The following SGCZ variants were observed in gnomAD, a reference collection of about 807,000 sequenced individuals.
The protein encoded by SGCZ is sarcoglycan zeta, also known as zeta-sarcoglycan.
SGCZ carries 40 observed loss-of-function variants against 41.3 expected under a neutral mutation model. That is an observed-to-expected ratio of 0.97 (90% CI 0.75 to 1.26). The LOEUF is 1.26. Ranked by LOEUF, SGCZ falls within the 50% of genes most tolerant of loss-of-function variation. SGCZ has a pLI of 0.00. For missense variants in SGCZ, 552 were observed against 369.8 expected (o/e 1.49, Z -4.04); for synonymous variants, 206 against 137.5 (o/e 1.50, Z -3.49).
chr8:14,118,948 T>C (rs1035136069), intron 5 of SGCZ, among the ~76,000 whole-genome samples: 13 of 152,208 alleles, frequency 8.5e-5, no homozygotes, highest in Non-Finnish European at 1.8e-4. Context: ...AGTACCATGC[T>C]GTTTTGATTA....
intron 1 of SGCZ, among the ~76,000 whole-genome samples, chr8:14,902,056 T>C (rs1230256919): frequency 6.6e-6 from 1 of 152,110 alleles, no homozygotes; most frequent in East Asian, 1.9e-4. Flanking sequence ...AGTGGACACT[T>C]TATTTCAAAC....
At chr8:15,152,595 G>A (rs2117020989) in intron 1 of SGCZ, among the ~76,000 whole-genome samples, 1 of 152,294 alleles carries the variant, frequency 6.6e-6, no homozygotes, top group Non-Finnish European at 1.5e-5. Flanking sequence ...TCAGCAACTT[G>A]AGAAAATCAG....
chr8:14,453,111 A>G (rs1045182617), intron 2 of SGCZ, among the ~76,000 whole-genome samples: 1 of 152,126 alleles, frequency 6.6e-6, no homozygotes. Flanking sequence ...TGGTCTCAAA[A>G]AATAATAATA....
intron 1 of SGCZ, among the ~76,000 whole-genome samples, chr8:14,822,920 G>A (rs553124926): frequency 2.0e-5 from 3 of 151,990 alleles, no homozygotes; most frequent in Admixed American, 2.0e-4. Flanking sequence ...CAAATGTAGT[G>A]CCATGCCACT....
At chr8:14,845,472 G>A (rs1448230855) in intron 1 of SGCZ, among the ~76,000 whole-genome samples, 1 of 152,046 alleles carries the variant, frequency 6.6e-6, no homozygotes, top group African/African-American at 2.4e-5. Context: ...CACACAAGCA[G>A]GAAAATGTGA....
chr8:14,688,510 T>G (rs371719004), intron 1 of SGCZ, among the ~76,000 whole-genome samples: 8 of 152,280 alleles, frequency 5.3e-5, no homozygotes, highest in Non-Finnish European at 1.0e-4. Context: ...GTTGTAGATA[T>G]GCAGCATTAT....
At chr8:14,619,825 T>C (rs909139373) in intron 1 of SGCZ, among the ~76,000 whole-genome samples, 2 of 152,172 alleles carry the variant, frequency 1.3e-5, no homozygotes, top group African/African-American at 2.4e-5. Context: ...TCCATGCTCA[T>C]GTACAGGAAG....
At chr8:14,200,801 G>A (rs1805431690) in intron 4 of SGCZ, among the ~76,000 whole-genome samples, 1 of 152,088 alleles carries the variant, frequency 6.6e-6, no homozygotes, top group Non-Finnish European at 1.5e-5. Context: ...ATGAATTAAA[G>A]TTCCTCAAAT....
At chr8:14,577,536 T>C (rs1470024879) in intron 1 of SGCZ, among the ~76,000 whole-genome samples, 1 of 152,008 alleles carries the variant, frequency 6.6e-6, no homozygotes, top group African/African-American at 2.4e-5. Flanking sequence ...TATAGGTGCA[T>C]CTCAACATGC....
chr8:14,134,417 G>A (rs1803132742), intron 5 of SGCZ, among the ~76,000 whole-genome samples: 2 of 152,118 alleles, frequency 1.3e-5, no homozygotes, highest in African/African-American at 4.8e-5. Flanking sequence ...GGCTAAAGAT[G>A]ACAGGTATGA....
At chr8:15,080,481 A>T (rs918983822) in intron 1 of SGCZ, among the ~76,000 whole-genome samples, 6 of 150,228 alleles carry the variant, frequency 4.0e-5, no homozygotes, top group African/African-American at 1.5e-4. Flanking sequence ...CCTAAAATGT[A>T]TATGTCTTAA....
intron 3 of SGCZ, among the ~76,000 whole-genome samples, chr8:14,295,417 C>T (rs7840296): frequency 0.68 from 103,234 of 152,054 alleles, 35,586 homozygotes; most frequent in African/African-American, 0.8. Flanking sequence ...AGTAATGGTA[C>T]ATCAATGTCA....
chr8:15,057,679 G>C (rs1804763679), intron 1 of SGCZ, among the ~76,000 whole-genome samples: 1 of 152,186 alleles, frequency 6.6e-6, no homozygotes, highest in African/African-American at 2.4e-5. Flanking sequence ...ATGTGGCATA[G>C]TGAAATGTAA....
At chr8:14,101,886 T>TTTTGTTTG (rs577534887) in intron 7 of SGCZ, among the ~76,000 whole-genome samples, 3 of 151,530 alleles carry the variant, frequency 2.0e-5, no homozygotes, top group Admixed American at 6.6e-5. Context: ...AAATATGTAC[T>TTTTGTTTG]TTTGTTTGTT....
chr8:14,878,486 T>C (rs1804454836), intron 1 of SGCZ, among the ~76,000 whole-genome samples: 1 of 152,188 alleles, frequency 6.6e-6, no homozygotes, highest in South Asian at 2.1e-4. Flanking sequence ...TGATGTAGCT[T>C]GCCCTTGGCC....
chr8:14,109,150 C>A lies in SGCZ; in HGVS notation c.548-915G>T, dbSNP rs563526997. Among the ~76,000 whole-genome samples the A allele has an allele frequency of 6.6e-5, 10 of 152,282 alleles. No individual in the cohort carries two copies. The South Asian group carries it at 1.9e-3, about 28-fold the overall frequency. ...CTGGAGTTAGGGCTTAATCTAAAAT[C>A]ATGAACTGCTTTAAATTCTGGTGTT... On this transcript the variant is annotated intron_variant, in intron 5 of 7. Transcript: ENST00000382080.
At position 14,598,152 on chromosome 8, in the gene SGCZ, G is replaced by T. The variant is rs78347530; in HGVS notation, c.40-43226C>A. Reference sequence around the variant, plus strand: ...GATTATTTCTTTACACTTGGAAGAAGGTTGAGAATTATCATTTTTAATGTT... The same window carrying T: ...GATTATTTCTTTACACTTGGAAGAATGTTGAGAATTATCATTTTTAATGTT... On this transcript the variant is annotated intron_variant, in intron 1 of 7. Transcript: ENST00000382080. Among the ~76,000 whole-genome samples, 1,174 of 152,036 alleles carry T rather than the reference G, an allele frequency of 7.7e-3. 11 individuals are homozygous for T. Among genetic ancestry groups the T allele is most frequent in the African/African-American group, 0.024 (1,013 of 41,498 alleles).
chr8:14,536,896 T>G (rs1270497337), intron 2 of SGCZ, among the ~76,000 whole-genome samples: 1 of 151,982 alleles, frequency 6.6e-6, no homozygotes, highest in African/African-American at 2.4e-5. Flanking sequence ...TGACCTGCTA[T>G]AAAGCATTTT....
chr8:14,660,869 CTGAACTTTTATA>C (rs1563185600), intron 1 of SGCZ, among the ~76,000 whole-genome samples: 2 of 152,056 alleles, frequency 1.3e-5, no homozygotes. Context: ...TAACTGGAAA[CTGAACTTTTATA>C]TAGAGGTCTT....
Sources: allele counts gnomAD v4.1 joint callset (sites outside exome capture counted in the v4.1 genomes callset), GRCh38; gene constraint gnomAD v4.1.1; transcripts MANE v1.5; gene names NCBI Gene and HGNC (gene_info 2026-07-23, HGNC 2026-07-21).